The following KLHL42 variants were observed in gnomAD, a reference collection of about 807,000 sequenced individuals.
KLHL42 encodes kelch like family member 42, also known as kelch-like protein 42.
KLHL42 carries 27 observed loss-of-function variants against 32.7 expected under a neutral mutation model. The ratio of observed to expected loss-of-function variants is 0.83; its 90% CI spans 0.61 to 1.14. The LOEUF is 1.14. Ranked by LOEUF, KLHL42 falls within the 50% of genes most tolerant of loss-of-function variation. KLHL42 has a pLI of 0.00. For synonymous variants in KLHL42, 267 were observed against 248.2 expected (o/e 1.08, Z -0.71); for missense variants, 491 against 560.8 (o/e 0.88, Z 1.26).
rs2062250355 is a variant in KLHL42, at chr12:27,802,086, T to G, written c.*3920T>G. ...TTACTAACAATCATCACGAACCAGT[T>G]TTGTTTTTCTTTTAAATTTGAACAT... On this transcript the variant is annotated 3_prime_UTR_variant, in exon 3 of 3. Coordinates refer to ENST00000381271, the MANE Select transcript of KLHL42 (RefSeq NM_020782.2). 1 of 152,170 alleles carries G rather than the reference T, an allele frequency of 6.6e-6. No individual in the cohort carries two copies. The highest frequency in any genetic ancestry group is 2.4e-5 in the African/African-American group (1 of 41,442). The allele number at this position is 152,170 out of a possible 1,614,324, so 9.4% of individuals were successfully genotyped here.
chr12:27,797,918 G>A lies in KLHL42; in HGVS notation c.1270G>A (p.Val424Ile), dbSNP rs1221994334. 3.8e-6 allele frequency: 3 copies of A among 780,876 alleles called. No individual in the cohort carries two copies. Among genetic ancestry groups the A allele is most frequent in the Admixed American group, 1.7e-5 (1 of 59,022 alleles). 48.4% of individuals were successfully genotyped at this position (780,876 alleles called of 1,614,324 possible). ...DMLTVQSYNT[V>I]TRQWLYLKEN... The stretch of plus-strand genomic sequence containing the variant: ...GCTCACCGTGCAGTCCTACAACACC[G>A]TCACCCGCCAGTGGCTCTACCTCAA... The change falls in exon 3 of 3, where the codon GTC becomes ATC. Residue 424 changes from valine to isoleucine, a missense_variant. Val to Ile is a conservative substitution (Grantham distance 29). Transcript: ENST00000381271.
In KLHL42 at chr12:27,784,252, G is replaced by GT. The variant is rs200493127; in HGVS notation, c.872+3053dup. On this transcript the variant is annotated intron_variant, in intron 1 of 2. Coordinates refer to ENST00000381271, the MANE Select transcript of KLHL42 (RefSeq NM_020782.2). ...CAGGTTACGCCATTCTCCTGCCTCA[G>GT]TTTCCCGAGTAGCTGGGACTACAGG... is the stretch of plus-strand genomic sequence containing the variant. 8.3e-3 allele frequency among the ~76,000 whole-genome samples: 1,254 copies of GT among 150,334 alleles called. 10 individuals carry two copies. The highest frequency in any genetic ancestry group is 0.029 in the African/African-American group (1,194 of 40,840).
In KLHL42 at chr12:27,802,120, G is replaced by A. The variant is rs1378501387; in HGVS notation, c.*3954G>A. 1 of 149,030 alleles carries A rather than the reference G, an allele frequency of 6.7e-6. No homozygotes were observed. The highest frequency in any genetic ancestry group is 1.5e-5 in the Non-Finnish European group (1 of 66,250). The allele number at this position is 149,030 out of a possible 1,614,324, so 9.2% of individuals were successfully genotyped here. ...CTTTTAAATTTGAACATCACATCTT[G>A]TGTTTTAGTTTTTTGCTCTATGATT... On this transcript the variant is annotated 3_prime_UTR_variant, in exon 3 of 3. Coordinates refer to ENST00000381271, the MANE Select transcript of KLHL42 (RefSeq NM_020782.2).
chr12:27,798,186 G>T lies in KLHL42; in HGVS notation c.*20G>T, dbSNP rs1343632634. The T allele has an allele frequency of 5.3e-6, 4 of 755,640 alleles. No homozygotes were observed. Among genetic ancestry groups the T allele is most frequent in the South Asian group, 1.4e-5 (1 of 70,954 alleles). The allele number at this position is 755,640 out of a possible 1,614,324, so 46.8% of individuals were successfully genotyped here. A position where few individuals can be genotyped will look rare whatever the true frequency, so the allele number is the denominator to read the frequency against. On this transcript the variant is annotated 3_prime_UTR_variant, in exon 3 of 3. Coordinates refer to ENST00000381271, the MANE Select transcript of KLHL42 (RefSeq NM_020782.2). ...ACATGACTGAATTGAATTGGTAGATGAAAAAAACCTGGTTCAAGTTTTTTT... is the reference window on the plus strand; with the variant it reads ...ACATGACTGAATTGAATTGGTAGATTAAAAAAACCTGGTTCAAGTTTTTTT...
intron 2 of KLHL42, among the ~76,000 whole-genome samples, chr12:27,796,144 G>T (rs2062217366): frequency 6.6e-6 from 1 of 152,194 alleles, no homozygotes; most frequent in East Asian, 1.9e-4. Context: ...TAATGCCGTG[G>T]CTTACAATTC....
chr12:27,780,277 G>C lies in KLHL42; in HGVS notation c.-54G>C. On this transcript the variant is annotated 5_prime_UTR_variant, in exon 1 of 3. Coordinates refer to ENST00000381271, the MANE Select transcript of KLHL42 (RefSeq NM_020782.2). The surrounding 1 kb of genome is among the most constrained non-coding windows in gnomAD (Gnocchi z 8.8). ...GGAACCGGCGCGCGCGTAGGGGCTGGGAGGCCGGCGCGCAGATCTGGCGGT... is the reference window on the plus strand; with the variant it reads ...GGAACCGGCGCGCGCGTAGGGGCTGCGAGGCCGGCGCGCAGATCTGGCGGT... 1 of 1,482,906 alleles carries C rather than the reference G, an allele frequency of 6.7e-7. No individual in the cohort carries two copies. The highest frequency in any genetic ancestry group is 2.9e-5 in the East Asian group (1 of 33,958). 91.9% of individuals were successfully genotyped at this position (1,482,906 alleles called of 1,614,324 possible).
chr12:27,783,864 G>T (rs2062159577), intron 1 of KLHL42, among the ~76,000 whole-genome samples: 1 of 152,102 alleles, frequency 6.6e-6, no homozygotes, highest in Non-Finnish European at 1.5e-5. Flanking sequence ...GATTACAGGC[G>T]TGAGCCACCG....
rs747333433 is a variant in KLHL42 at position 27,791,789 on chromosome 12, C to T, written c.954C>T (p.Asn318=). 1.1e-5 allele frequency: 18 copies of T among 1,614,086 alleles called. No homozygotes were observed. Among genetic ancestry groups the T allele is most frequent in the Non-Finnish European group, 1.4e-5 (17 of 1,180,028 alleles). ...GQAVSNVECY[N]PEQDAWNFVA... ...CCGTTTCTAACGTTGAGTGTTACAA[C>T]CCCGAGCAGGATGCGTGGAATTTTG... Residue 318 remains asparagine, a synonymous_variant, in exon 2 of 3, where the codon AAC becomes AAT. Transcript: ENST00000381271.
At chr12:27,782,872 G>T (rs752937228) in intron 1 of KLHL42, among the ~76,000 whole-genome samples, 4 of 151,906 alleles carry the variant, frequency 2.6e-5, no homozygotes, top group Non-Finnish European at 5.9e-5. Flanking sequence ...TGCCCTCAGG[G>T]TACAGAAAAA....
Position 27,780,386 on chromosome 12 carries a change from G to A in KLHL42, c.56G>A (p.Ser19Asn). Residue 19 changes from serine to asparagine, a missense_variant, in exon 1 of 3, where the codon AGC (serine) becomes AAC (asparagine). Ser to Asn is a conservative substitution (Grantham distance 46). Around this residue, in one of 4 missense-constraint regions of KLHL42, gnomAD observed 88 missense variants for 89.0 expected, o/e 0.99. Transcript: ENST00000381271. The surrounding 1 kb of genome is among the most constrained non-coding windows in gnomAD (Gnocchi z 8.8). ...CTGGAGGACCGCTGCTACCCGGTGA[G>A]CAAGAGGAAGCTCATCGAGCAGAGC... ...IRLEDRCYPV[S>N]KRKLIEQSDY... is the part of the protein sequence containing the mutation. The A allele has an allele frequency of 6.3e-7, 1 of 1,580,022 alleles. No individual in the cohort carries two copies. The highest frequency in any genetic ancestry group is 1.8e-5 in the Admixed American group (1 of 56,486).
At chr12:27,795,738 A>G (rs1213399565) in intron 2 of KLHL42, among the ~76,000 whole-genome samples, 2 of 152,262 alleles carry the variant, frequency 1.3e-5, no homozygotes, top group African/African-American at 2.4e-5. Flanking sequence ...GATTATTTTA[A>G]TTCTTTAGCA....
Position 27,780,853 on chromosome 12 carries a change from G to T in KLHL42, c.523G>T (p.Ala175Ser). The change falls in exon 1 of 3, where the codon GCT (alanine) becomes TCT (serine). Residue 175 changes from alanine to serine, a missense_variant. Coordinates refer to ENST00000381271, the MANE Select transcript of KLHL42 (RefSeq NM_020782.2). The surrounding 1 kb of genome is among the most constrained non-coding windows in gnomAD (Gnocchi z 8.8). Reference protein sequence around the residue: ...QFHLLGSPPQAPGDVSLKQRL... With the variant: ...QFHLLGSPPQSPGDVSLKQRL... The stretch of plus-strand genomic sequence containing the variant: ...CCACCTCCTGGGGTCTCCTCCCCAA[G>T]CTCCAGGGGATGTCAGCCTGAAGCA... 1 of 1,613,884 alleles carries T rather than the reference G, an allele frequency of 6.2e-7. No homozygotes were observed. Among genetic ancestry groups the T allele is most frequent in the Non-Finnish European group, 8.5e-7 (1 of 1,179,960 alleles).
chr12:27,786,457 G>GT (rs1437826781), intron 1 of KLHL42, among the ~76,000 whole-genome samples: 1 of 152,140 alleles, frequency 6.6e-6, no homozygotes, highest in African/African-American at 2.4e-5. Flanking sequence ...CTAGCACAGA[G>GT]TTTTTCCTGG....
At position 27,780,686 on chromosome 12, in the gene KLHL42, A is replaced by G. The variant is rs1303890512; in HGVS notation, c.356A>G (p.Gln119Arg). ...TTCCTGCAGGTCACGTCCCTGCTGC[A>G]GCTGCTGCTGTCCCAGGTGCGGCTC... ...ASFLQVTSLL[Q>R]LLLSQVRLNN... The change falls in exon 1 of 3, where the codon CAG becomes CGG. Residue 119 changes from glutamine to arginine, a missense_variant. Physicochemically the swap from Gln to Arg is conservative, Grantham distance 43 (BLOSUM62 1). Transcript: ENST00000381271. The surrounding 1 kb of genome is among the most constrained non-coding windows in gnomAD (Gnocchi z 8.8). The G allele has an allele frequency of 6.2e-7, 1 of 1,605,508 alleles. No individual in the cohort carries two copies. The highest frequency in any genetic ancestry group is 1.7e-5 in the Admixed American group (1 of 59,746).
In KLHL42 at chr12:27,799,877, G is replaced by T; in HGVS notation, c.*1711G>T. On this transcript the variant is annotated 3_prime_UTR_variant, in exon 3 of 3. Transcript: ENST00000381271. ...CTAGTCTACTTACAACTTTGTAAGG[G>T]TTTCTAAGCTATGCCCATTTATTCC... 1.7e-6 allele frequency: 1 copy of T among 582,056 alleles called. No individual in the cohort carries two copies. The highest frequency in any genetic ancestry group is 2.2e-6 in the Non-Finnish European group (1 of 461,622). 36.1% of individuals were successfully genotyped at this position (582,056 alleles called of 1,614,324 possible).
intron 2 of KLHL42, among the ~76,000 whole-genome samples, chr12:27,794,625 G>C (rs1369437981): frequency 6.6e-6 from 1 of 152,168 alleles, no homozygotes; most frequent in Non-Finnish European, 1.5e-5. Flanking sequence ...CAAAGTGCTG[G>C]GATTACAGGC....
intron 1 of KLHL42, among the ~76,000 whole-genome samples, chr12:27,784,157 C>T (rs1405044259): frequency 1.5e-5 from 2 of 137,646 alleles, no homozygotes; most frequent in Non-Finnish European, 3.1e-5. Context: ...TTTTTGGGGA[C>T]GGAGTCTCGT....
At chr12:27,796,608 G>A (rs955045288) in intron 2 of KLHL42, among the ~76,000 whole-genome samples, 1 of 152,072 alleles carries the variant, frequency 6.6e-6, no homozygotes, top group East Asian at 1.9e-4. Context: ...AAAAAGAGAC[G>A]AGGCCATATT....
At chr12:27,788,576 G>A (rs933690374) in intron 1 of KLHL42, among the ~76,000 whole-genome samples, 3 of 152,142 alleles carry the variant, frequency 2.0e-5, no homozygotes, top group Non-Finnish European at 4.4e-5. Context: ...ACGCACGGTG[G>A]CCTAGCTACT....
Sources: allele counts gnomAD v4.1 joint callset (sites outside exome capture counted in the v4.1 genomes callset), GRCh38; gene constraint gnomAD v4.1.1; regional missense constraint gnomAD v4.1.1; non-coding constraint Gnocchi (gnomAD v3.1); transcripts MANE v1.5; gene names NCBI Gene and HGNC (gene_info 2026-07-23, HGNC 2026-07-21).